Variants in OGFRL1 observed in about 807,000 individuals in gnomAD.
The protein encoded by OGFRL1 is opioid growth factor receptor like 1, also known as opioid growth factor receptor-like protein 1.
Under a neutral mutation model 32.4 loss-of-function variants are expected in OGFRL1, and 26 were observed. The observed-to-expected ratio is 0.80, with a 90% confidence interval of 0.59 to 1.11. The LOEUF (loss-of-function observed/expected upper bound fraction) is 1.11, where lower values mean the gene tolerates loss of function less well. OGFRL1 is among the 50% of genes most tolerant of loss of function. OGFRL1 has a pLI of 0.00. For synonymous variants in OGFRL1, 211 were observed against 201.2 expected (o/e 1.05, Z -0.41); for missense variants, 521 against 546.4 (o/e 0.95, Z 0.46).
rs1192832209 is a variant in OGFRL1 at position 71,306,086 on chromosome 6, T to C, written c.*4037T>C. On this transcript the variant is annotated 3_prime_UTR_variant, in exon 7 of 7. Transcript: ENST00000370435. Reference sequence around the variant, plus strand: ...GGCGATCCTCTGTTGTAGGAATGTTTTTGAAGATTTCTATTTTGTTTTCCA... The same window carrying C: ...GGCGATCCTCTGTTGTAGGAATGTTCTTGAAGATTTCTATTTTGTTTTCCA... The C allele has an allele frequency of 6.6e-6, 1 of 152,286 alleles. No individual in the cohort carries two copies. The highest frequency in any genetic ancestry group is 2.4e-5 in the African/African-American group (1 of 41,438). The allele number at this position is 152,286 out of a possible 1,614,324, so 9.4% of individuals were successfully genotyped here.
intron 3 of OGFRL1, 143 bp from the exon 4 acceptor site, chr6:71,296,174 T>C: frequency 1.7e-6 from 1 of 601,234 alleles, no homozygotes; most frequent in South Asian, 2.2e-5. Context: ...GGGCATAGGG[T>C]ATTCATCTTT....
Position 71,301,382 on chromosome 6 carries a change from C to T in OGFRL1, c.693-4C>T. The T allele has an allele frequency of 1.3e-6, 2 of 1,554,188 alleles. No homozygotes were observed. Among genetic ancestry groups the T allele is most frequent in the Non-Finnish European group, 1.7e-6 (2 of 1,153,544 alleles). On this transcript the variant is annotated splice_region_variant and splice_polypyrimidine_tract_variant and intron_variant, in intron 6 of 6. Transcript: ENST00000370435. Reference sequence around the variant, plus strand: ...CACTCATTTTATTCAATCCTCTCTTCCAGGTCCCAGCACAACTATTTAAGA... The same window carrying T: ...CACTCATTTTATTCAATCCTCTCTTTCAGGTCCCAGCACAACTATTTAAGA...
intron 3 of OGFRL1, 24 bp downstream of exon 3, chr6:71,293,635 A>C (rs754568177): frequency 4.8e-6 from 7 of 1,448,772 alleles, no homozygotes; most frequent in Admixed American, 3.5e-5. Flanking sequence ...TACTTGATAA[A>C]TTGCACTTTA....
chr6:71,296,985 C>T (rs985730059), intron 6 of OGFRL1, among the ~76,000 whole-genome samples, 168 bp downstream of exon 6: 20 of 152,046 alleles, frequency 1.3e-4, no homozygotes, highest in South Asian at 2.1e-4. Flanking sequence ...TAAAACAAAA[C>T]AAAACAACAA....
intron 6 of OGFRL1, 149 bp downstream of exon 6, chr6:71,296,966 AC>A: frequency 1.2e-6 from 1 of 846,698 alleles, no homozygotes; most frequent in Non-Finnish European, 1.8e-6. Context: ...ACATTCCTGT[AC>A]CACATTCTAA....
rs200624971 is a variant in OGFRL1, at chr6:71,296,572, C to T, written c.546+11C>T. The T allele has an allele frequency of 2.5e-6, 4 of 1,610,462 alleles. No individual in the cohort carries two copies. Among genetic ancestry groups the T allele is most frequent in the Admixed American group, 1.7e-5 (1 of 59,690 alleles). On this transcript the variant is annotated intron_variant, in intron 5 of 6. Coordinates refer to ENST00000370435, the MANE Select transcript of OGFRL1 (RefSeq NM_024576.5). ...ACATATGAAATTGAGGTAATGCAAG[C>T]TCATTTCATTTTATACAGGGTGGCC...
Position 71,296,464 on chromosome 6 carries a change from T to C in OGFRL1, c.480-31T>C, listed in dbSNP as rs780188092. Reference sequence around the variant, plus strand: ...ATGTATGTTTTCCAGACAACGTTAATAGAAAAATTTTATTTTTTTAAAATA... The same window carrying C: ...ATGTATGTTTTCCAGACAACGTTAACAGAAAAATTTTATTTTTTTAAAATA... On this transcript the variant is annotated intron_variant, in intron 4 of 6. Transcript: ENST00000370435. 24 of 1,594,030 alleles carry C rather than the reference T, an allele frequency of 1.5e-5. No individual in the cohort carries two copies. The African/African-American group carries it at 2.6e-4, about 17-fold the overall frequency.
At chr6:71,301,203 G>A (rs1213347440) in intron 6 of OGFRL1, among the ~76,000 whole-genome samples, 183 bp from the exon 7 acceptor site, 1 of 152,110 alleles carries the variant, frequency 6.6e-6, no homozygotes, top group Non-Finnish European at 1.5e-5. Flanking sequence ...ATTACATTGT[G>A]GCCTAAGGAT....
In OGFRL1 at chr6:71,308,539, G is replaced by T. The variant is rs1254633151; in HGVS notation, c.*6490G>T. The T allele has an allele frequency of 6.6e-6, 1 of 152,102 alleles. No individual in the cohort carries two copies. The highest frequency in any genetic ancestry group is 6.6e-5 in the Admixed American group (1 of 15,250). 9.4% of individuals were successfully genotyped at this position (152,102 alleles called of 1,614,324 possible). On this transcript the variant is annotated 3_prime_UTR_variant, in exon 7 of 7. Coordinates refer to ENST00000370435, the MANE Select transcript of OGFRL1 (RefSeq NM_024576.5). ...TAACATAAGCTCTGATTCTCCAGTG[G>T]CCACTGGGCCTTCTCTGTGCTCTGT...
intron 1 of OGFRL1, chr6:71,291,677 T>G (rs1018083367): frequency 1.3e-5 from 2 of 152,218 alleles, no homozygotes; most frequent in East Asian, 3.9e-4. Flanking sequence ...GACATTCTTA[T>G]GATAATCCTG....
intron 1 of OGFRL1, chr6:71,289,883 A>G (rs1765993759): frequency 1.1e-6 from 1 of 926,076 alleles, no homozygotes; most frequent in South Asian, 5.0e-5. Flanking sequence ...AGGAGGAAAT[A>G]TGTAGCCGAC....
rs538989294 is a variant in OGFRL1 at position 71,301,721 on chromosome 6, A to G, written c.1028A>G (p.His343Arg). Residue 343 changes from histidine to arginine, a missense_variant, in exon 7 of 7, where the codon CAC becomes CGC. By Grantham distance (29) the His-to-Arg change is conservative. Coordinates refer to ENST00000370435, the MANE Select transcript of OGFRL1 (RefSeq NM_024576.5). ...ASSHNSQTSMHKKAKDSKNSS... is the reference protein window; with the variant it reads ...ASSHNSQTSMRKKAKDSKNSS... The stretch of plus-strand genomic sequence containing the variant: ...AGTCATAACAGTCAAACTTCTATGC[A>G]CAAAAAAGCCAAGGACTCCAAAAAT... 3.2e-5 allele frequency: 52 copies of G among 1,613,966 alleles called. No individual in the cohort carries two copies. The Admixed American group carries it at 4.8e-4, about 15-fold the overall frequency.
Position 71,304,357 on chromosome 6 carries a change from G to T in OGFRL1, c.*2308G>T, listed in dbSNP as rs1766483872. On this transcript the variant is annotated 3_prime_UTR_variant, in exon 7 of 7. Transcript: ENST00000370435. ...ACATGGACACTCTTACGTGGTGCTT[G>T]TAGCTGTGTCTCCGTAGAGCTCAGT... The T allele has an allele frequency of 6.6e-6, 1 of 152,132 alleles. No homozygotes were observed. The highest frequency in any genetic ancestry group is 6.5e-5 in the Admixed American group (1 of 15,268). The allele number at this position is 152,132 out of a possible 1,614,324, so 9.4% of individuals were successfully genotyped here.
intron 1 of OGFRL1, among the ~76,000 whole-genome samples, chr6:71,290,229 T>A (rs1021363531): frequency 1.3e-5 from 2 of 151,872 alleles, no homozygotes; most frequent in African/African-American, 4.9e-5. Flanking sequence ...AAGGAAAACT[T>A]GCCCAAGATC....
At chr6:71,296,171 G>C (rs1192219002) in intron 3 of OGFRL1, 146 bp from the exon 4 acceptor site, 2 of 589,164 alleles carry the variant, frequency 3.4e-6, no homozygotes, top group East Asian at 2.8e-5. Context: ...TATGGGCATA[G>C]GGTATTCATC....
rs1725014464 is a variant in OGFRL1, at chr6:71,308,667, C to A, written c.*6618C>A. ...AACCAGTTTCTGGATCTGTATGGTA[C>A]TATAAAATACTTATTTTATAATTCT... On this transcript the variant is annotated 3_prime_UTR_variant, in exon 7 of 7. Coordinates refer to ENST00000370435, the MANE Select transcript of OGFRL1 (RefSeq NM_024576.5). 6.6e-6 allele frequency: 1 copy of A among 152,102 alleles called. No homozygotes were observed. The highest frequency in any genetic ancestry group is 2.4e-5 in the African/African-American group (1 of 41,412). 9.4% of individuals were successfully genotyped at this position (152,102 alleles called of 1,614,324 possible).
intron 1 of OGFRL1, 152 bp downstream of exon 1, chr6:71,289,322 C>CT (rs1473802018): frequency 3.0e-6 from 3 of 1,011,142 alleles, no homozygotes; most frequent in Non-Finnish European, 3.5e-6. Flanking sequence ...GCTGACCTGT[C>CT]TCCCGGTGGA....
Position 71,307,770 on chromosome 6 carries a change from G to A in OGFRL1, c.*5721G>A, listed in dbSNP as rs1766599338. 1 of 152,140 alleles carries A rather than the reference G, an allele frequency of 6.6e-6. No individual in the cohort carries two copies. The highest frequency in any genetic ancestry group is 2.1e-4 in the South Asian group (1 of 4,830). The allele number at this position is 152,140 out of a possible 1,614,324, so 9.4% of individuals were successfully genotyped here. On this transcript the variant is annotated 3_prime_UTR_variant, in exon 7 of 7. Transcript: ENST00000370435. ...AAACATTTACATTCTACACTCATTA[G>A]TCAAATGAACTTTTCTTTCCCAGTG...
rs544448326 is a variant in OGFRL1, at chr6:71,304,538, C to G, written c.*2489C>G. On this transcript the variant is annotated 3_prime_UTR_variant, in exon 7 of 7. Coordinates refer to ENST00000370435, the MANE Select transcript of OGFRL1 (RefSeq NM_024576.5). ...AATGCATAATAGTAAAAGATTGTGA[C>G]CAGATATTATGATATTAATAAAGTT... The G allele has an allele frequency of 1.3e-5, 2 of 151,884 alleles. No homozygotes were observed. The highest frequency in any genetic ancestry group is 2.9e-5 in the Non-Finnish European group (2 of 67,906). 9.4% of individuals were successfully genotyped at this position (151,884 alleles called of 1,614,324 possible). A position where few individuals can be genotyped will look rare whatever the true frequency, so the allele number is the denominator to read the frequency against.
Sources: allele counts gnomAD v4.1 joint callset (sites outside exome capture counted in the v4.1 genomes callset), GRCh38; gene constraint gnomAD v4.1.1; transcripts MANE v1.5; gene names NCBI Gene and HGNC (gene_info 2026-07-23, HGNC 2026-07-21).